The following FILIP1 variants were observed in gnomAD, a reference collection of about 807,000 sequenced individuals.
FILIP1 encodes filamin A interacting protein 1, also known as filamin-A-interacting protein 1.
FILIP1 carries 61 observed loss-of-function variants against 102.1 expected under a neutral mutation model. The observed-to-expected ratio is 0.60, with a 90% CI of 0.49 to 0.74. FILIP1 has a LOEUF of 0.74. Ranked by LOEUF, FILIP1 falls within the 30% of genes least tolerant of loss-of-function variation. The pLI, the probability that FILIP1 is intolerant of heterozygous loss-of-function variation, is 0.00. For synonymous variants in FILIP1, 491 were observed against 526.9 expected (o/e 0.93, Z 0.93); for missense variants, 1,314 against 1,441.2 (o/e 0.91, Z 1.43).
intron 1 of FILIP1, among the ~76,000 whole-genome samples, chr6:75,449,054 T>C (rs1317129936): frequency 1.3e-5 from 2 of 152,086 alleles, no homozygotes; most frequent in Non-Finnish European, 2.9e-5. Flanking sequence ...AATTCGCAAT[T>C]GCAAAAAAGA....
chr6:75,366,787 G>A (rs1215973726), intron 2 of FILIP1, among the ~76,000 whole-genome samples: 3 of 152,050 alleles, frequency 2.0e-5, no homozygotes, highest in African/African-American at 4.8e-5. Flanking sequence ...AACTGATATT[G>A]TTAAAACTGT....
Position 75,312,578 on chromosome 6 carries a change from C to T in FILIP1, c.3254G>A (p.Gly1085Glu), listed in dbSNP as rs1773240673. 2 of 1,614,062 alleles carry T rather than the reference C, an allele frequency of 1.2e-6. No individual in the cohort carries two copies. The highest frequency in any genetic ancestry group is 2.2e-5 in the South Asian group (2 of 91,078). The change falls in exon 5 of 6, where the codon GGA becomes GAA. Residue 1085 changes from glycine to glutamate, a missense_variant. Transcript: ENST00000237172. ...FKRSPGTSGE[G>E]VSPVITVRPV... ...TCGGACAGTAATAACTGGACTGACT[C>T]CTTCACCTGAAGTCCCAGGGGACCG...
intron 1 of FILIP1, among the ~76,000 whole-genome samples, chr6:75,441,620 CG>C (rs1465216888): frequency 0.024 from 3,489 of 144,540 alleles, 216 homozygotes; most frequent in African/African-American, 0.088. Context: ...CTGACCCCCC[CG>C]ACCTCCCTCC....
chr6:75,370,682 T>C (rs1422273457), intron 2 of FILIP1, among the ~76,000 whole-genome samples: 2 of 150,416 alleles, frequency 1.3e-5, no homozygotes, highest in Non-Finnish European at 3.0e-5. Flanking sequence ...GTTCAAGCGA[T>C]TCTCCTGCCT....
At chr6:75,368,066 A>G (rs913398976) in intron 2 of FILIP1, among the ~76,000 whole-genome samples, 1 of 152,230 alleles carries the variant, frequency 6.6e-6, no homozygotes, top group Non-Finnish European at 1.5e-5. Flanking sequence ...GAGAACAAAT[A>G]TGAGATTACA....
At chr6:75,328,881 T>C (rs1187944387) in intron 4 of FILIP1, among the ~76,000 whole-genome samples, 1 of 152,226 alleles carries the variant, frequency 6.6e-6, no homozygotes, top group East Asian at 1.9e-4. Context: ...GTATTTTCAC[T>C]TTCCTCACAG....
downstream of FILIP1, among the ~76,000 whole-genome samples, chr6:75,304,033 G>T: frequency 6.6e-6 from 1 of 152,022 alleles, no homozygotes. Flanking sequence ...AAAAATTACT[G>T]ATAGGTGTTT....
At chr6:75,326,889 A>G (rs935935141) in intron 4 of FILIP1, among the ~76,000 whole-genome samples, 3 of 152,132 alleles carry the variant, frequency 2.0e-5, no homozygotes, top group African/African-American at 7.2e-5. Context: ...CTTGGACTCT[A>G]TTTTGTCACC....
intron 4 of FILIP1, among the ~76,000 whole-genome samples, chr6:75,324,833 G>T (rs1030777880): frequency 1.3e-5 from 2 of 152,138 alleles, no homozygotes; most frequent in Non-Finnish European, 2.9e-5. Context: ...AGCATAAAGT[G>T]GGGAAAGTAT....
chr6:75,408,156 G>T (rs1276167018), intron 2 of FILIP1, among the ~76,000 whole-genome samples: 1 of 152,154 alleles, frequency 6.6e-6, no homozygotes, highest in Non-Finnish European at 1.5e-5. Context: ...CAATTTATTA[G>T]AAAGTAATTG....
At chr6:75,443,345 GATT>G (rs1319184028) in intron 1 of FILIP1, among the ~76,000 whole-genome samples, 7 of 152,220 alleles carry the variant, frequency 4.6e-5, no homozygotes, top group African/African-American at 1.7e-4. Context: ...ATTTTTAATA[GATT>G]ATCAAGGAAA....
intron 1 of FILIP1, among the ~76,000 whole-genome samples, chr6:75,418,166 C>A (rs1215624834): frequency 6.6e-6 from 1 of 152,146 alleles, no homozygotes; most frequent in Non-Finnish European, 1.5e-5. Flanking sequence ...CCACTGCACT[C>A]CAGCCTGGGC....
chr6:75,295,178 G>A (rs932513866), exon 7 of FILIP1: 33 of 152,036 alleles, frequency 2.2e-4, no homozygotes, highest in African/African-American at 7.7e-4. Flanking sequence ...TGTTCTTATT[G>A]CCCTTACTGG....
chr6:75,480,458 C>T (rs1779620742), intron 1 of FILIP1, among the ~76,000 whole-genome samples: 1 of 151,672 alleles, frequency 6.6e-6, no homozygotes, highest in Non-Finnish European at 1.5e-5. Context: ...CCAGGCTAGA[C>T]ATGAACTCCT....
intron 1 of FILIP1, among the ~76,000 whole-genome samples, chr6:75,417,275 T>G (rs1183529162): frequency 6.6e-6 from 1 of 152,164 alleles, no homozygotes; most frequent in African/African-American, 2.4e-5. Context: ...ACATAAAGAT[T>G]TTTAGTCCTT....
At chr6:75,370,141 G>T (rs1369399641) in intron 2 of FILIP1, among the ~76,000 whole-genome samples, 4 of 152,220 alleles carry the variant, frequency 2.6e-5, no homozygotes, top group African/African-American at 4.8e-5. Context: ...CCCCATTGCT[G>T]CAGTGAGTCA....
chr6:75,440,019 G>C (rs926860441), intron 1 of FILIP1, among the ~76,000 whole-genome samples: 1 of 152,128 alleles, frequency 6.6e-6, no homozygotes, highest in Non-Finnish European at 1.5e-5. Context: ...ATGATGGTTT[G>C]CTTTTCTTGT....
intron 2 of FILIP1, among the ~76,000 whole-genome samples, chr6:75,382,254 T>C (rs1775927434): frequency 6.6e-6 from 1 of 152,212 alleles, no homozygotes; most frequent in African/African-American, 2.4e-5. Flanking sequence ...TAAACTTCTC[T>C]GACTCTCCAA....
At position 75,434,014 on chromosome 6, in the gene FILIP1, T is replaced by C. The variant is rs143645224; in HGVS notation, c.-6-19036A>G. Among the ~76,000 whole-genome samples the C allele has an allele frequency of 8.8e-3, 1,340 of 152,336 alleles. 48 individuals are homozygous for C. In the East Asian group the frequency reaches 0.12, roughly 14 times the overall value. ...AGATGGTTGTAGATGTGTGGTATTA[T>C]TTCTGAGGCCTCTGTTCTGTTCCAT... is the stretch of plus-strand genomic sequence containing the variant. On this transcript the variant is annotated intron_variant, in intron 1 of 5. Transcript: ENST00000237172.
Sources: gnomAD v4.1 joint callset for allele counts (sites outside exome capture counted in the v4.1 genomes callset) on GRCh38, gnomAD v4.1.1 for gene constraint, MANE v1.5 for transcripts, NCBI Gene and HGNC (gene_info 2026-07-23, HGNC 2026-07-21) for gene names.